The following LSM14A variants were observed in gnomAD, a reference collection of about 807,000 sequenced individuals.
LSM14A encodes LSM14A mRNA processing body assembly factor.
A neutral mutation model predicts 52.4 loss-of-function variants in LSM14A; 14 were observed. The ratio of observed to expected loss-of-function variants is 0.27; its 90% CI spans 0.18 to 0.42. The LOEUF (loss-of-function observed/expected upper bound fraction) is 0.42. Ranked by LOEUF, LSM14A falls within the 10% of genes least tolerant of loss-of-function variation. The pLI is 1.00. For synonymous variants in LSM14A, 185 were observed against 200.3 expected (o/e 0.92, Z 0.64); for missense variants, 417 against 581.8 (o/e 0.72, Z 2.91).
Position 34,227,882 on chromosome 19 carries a change from G to T in LSM14A, c.*494G>T. 1 of 151,678 alleles carries T rather than the reference G, an allele frequency of 6.6e-6. No homozygotes were observed. Among genetic ancestry groups the T allele is most frequent in the Non-Finnish European group, 1.5e-5 (1 of 68,298 alleles). The allele number at this position is 151,678 out of a possible 1,614,324, so 9.4% of individuals were successfully genotyped here. On this transcript the variant is annotated 3_prime_UTR_variant, in exon 10 of 10. Coordinates refer to ENST00000544216, the MANE Select transcript of LSM14A (RefSeq NM_015578.4). ...TTGGGGAATCCTGTAATATGAGGTA[G>T]CTTATTTCGTCAATTAATTAGGGTG...
chr19:34,175,914 G>A (rs1354101855), intron 1 of LSM14A, among the ~76,000 whole-genome samples: 1 of 152,054 alleles, frequency 6.6e-6, no homozygotes, highest in African/African-American at 2.4e-5. Context: ...GGAGTGCAGT[G>A]GTGCGATCTT....
At chr19:34,213,895 T>A (rs1210437672) in intron 4 of LSM14A, among the ~76,000 whole-genome samples, 1 of 152,136 alleles carries the variant, frequency 6.6e-6, no homozygotes, top group African/African-American at 2.4e-5. Context: ...ATCCACCCAC[T>A]TCAGCCCCCT....
At chr19:34,207,197 G>A (rs942061008) in intron 3 of LSM14A, among the ~76,000 whole-genome samples, 6 of 152,114 alleles carry the variant, frequency 3.9e-5, no homozygotes, top group African/African-American at 7.2e-5. Context: ...AGGAACTCAC[G>A]GAAGAGATTT....
At chr19:34,188,343 A>T (rs1027372417) in intron 1 of LSM14A, among the ~76,000 whole-genome samples, 2 of 152,192 alleles carry the variant, frequency 1.3e-5, no homozygotes, top group African/African-American at 4.8e-5. Context: ...GATGAAGTTT[A>T]AAATGTAGAG....
chr19:34,204,879 C>A (rs1259810931), intron 3 of LSM14A, among the ~76,000 whole-genome samples: 8 of 152,064 alleles, frequency 5.3e-5, no homozygotes, highest in Admixed American at 5.2e-4. Flanking sequence ...TGCCTATGAT[C>A]CCAGCACTTT....
intron 3 of LSM14A, among the ~76,000 whole-genome samples, chr19:34,206,512 CA>C (rs879698497): frequency 1.8e-3 from 244 of 135,400 alleles, no homozygotes; most frequent in Non-Finnish European, 1.8e-3. Context: ...ACTAAAAATA[CA>C]AAAAAAAAAA....
At chr19:34,206,837 A>G (rs1170988016) in intron 3 of LSM14A, among the ~76,000 whole-genome samples, 1 of 152,222 alleles carries the variant, frequency 6.6e-6, no homozygotes, top group Non-Finnish European at 1.5e-5. Context: ...TATTAGATGT[A>G]GAAGCCAGCA....
intron 1 of LSM14A, among the ~76,000 whole-genome samples, chr19:34,177,358 T>C (rs2069156630): frequency 6.6e-6 from 1 of 152,234 alleles, no homozygotes; most frequent in African/African-American, 2.4e-5. Context: ...GAAATTGATT[T>C]TGTGTACAAT....
At chr19:34,213,617 T>C (rs1309051307) in intron 4 of LSM14A, among the ~76,000 whole-genome samples, 1 of 152,144 alleles carries the variant, frequency 6.6e-6, no homozygotes, top group Non-Finnish European at 1.5e-5. Context: ...GGAATAATTA[T>C]GAGATGTGAG....
intron 5 of LSM14A, 136 bp downstream of exon 5, chr19:34,215,436 C>A: frequency 8.6e-7 from 1 of 1,157,686 alleles, no homozygotes; most frequent in Non-Finnish European, 1.2e-6. Context: ...TTTGGTCTTT[C>A]AAATTTGACT....
At chr19:34,188,531 T>C (rs1244896180) in intron 1 of LSM14A, among the ~76,000 whole-genome samples, 1 of 152,212 alleles carries the variant, frequency 6.6e-6, no homozygotes, top group Non-Finnish European at 1.5e-5. Flanking sequence ...AGTCACAGTG[T>C]TGTGCAACTA....
intron 1 of LSM14A, among the ~76,000 whole-genome samples, chr19:34,192,316 G>GGTTTTTTTTTTTTTT (rs1341848304): frequency 3.0e-5 from 2 of 65,782 alleles, no homozygotes; most frequent in South Asian, 4.4e-4. Flanking sequence ...CATTCTTTTT[G>GGTTTTTTTTTTTTTT]TTGTTTTTTT....
At chr19:34,176,927 C>G (rs1362824306) in intron 1 of LSM14A, among the ~76,000 whole-genome samples, 2 of 152,150 alleles carry the variant, frequency 1.3e-5, no homozygotes, top group Non-Finnish European at 2.9e-5. Flanking sequence ...TATCCCTTAC[C>G]AACAACCGTA....
chr19:34,178,533 TG>T (rs1277206705), intron 1 of LSM14A, among the ~76,000 whole-genome samples: 2 of 152,260 alleles, frequency 1.3e-5, no homozygotes, highest in African/African-American at 4.8e-5. Flanking sequence ...TTCTCAGCAC[TG>T]ATCATGACTT....
chr19:34,210,754 T>A (rs1451854479), intron 4 of LSM14A, among the ~76,000 whole-genome samples: 1 of 151,278 alleles, frequency 6.6e-6, no homozygotes, highest in African/African-American at 2.4e-5. Context: ...GCTAGTTTTG[T>A]AGGGACGGGG....
chr19:34,184,030 A>G (rs1180887719), intron 1 of LSM14A, among the ~76,000 whole-genome samples: 1 of 148,142 alleles, frequency 6.8e-6, no homozygotes, highest in Non-Finnish European at 1.5e-5. Flanking sequence ...CCTCTGATCT[A>G]CTTTCTTTTC....
intron 1 of LSM14A, among the ~76,000 whole-genome samples, chr19:34,188,146 G>A (rs1178750241): frequency 6.6e-6 from 1 of 151,964 alleles, no homozygotes; most frequent in South Asian, 2.1e-4. Flanking sequence ...AATTAGCCAG[G>A]TGTAGTGTGT....
At chr19:34,188,066 C>T (rs971368894) in intron 1 of LSM14A, among the ~76,000 whole-genome samples, 1 of 151,992 alleles carries the variant, frequency 6.6e-6, no homozygotes, top group Non-Finnish European at 1.5e-5. Context: ...GTGGATGGAT[C>T]GCTTGAGCCC....
At chr19:34,212,925 T>C (rs554113067) in intron 4 of LSM14A, among the ~76,000 whole-genome samples, 55 of 152,306 alleles carry the variant, frequency 3.6e-4, no homozygotes, top group African/African-American at 1.3e-3. Context: ...TATAAACTTA[T>C]AAGATGATTT....
Sources: gnomAD v4.1 joint callset for allele counts (sites outside exome capture counted in the v4.1 genomes callset) on GRCh38, gnomAD v4.1.1 for gene constraint, MANE v1.5 for transcripts, NCBI Gene and HGNC (gene_info 2026-07-23, HGNC 2026-07-21) for gene names.